IGFL2: variants seen among roughly 807,000 people sequenced by gnomAD.
IGFL2 encodes IGF like family member 2.
A neutral mutation model predicts 13.9 loss-of-function variants in IGFL2; 7 were observed. The ratio of observed to expected loss-of-function variants is 0.51; its 90% CI spans 0.29 to 0.95. The LOEUF (loss-of-function observed/expected upper bound fraction) is 0.95. Ranked by LOEUF, IGFL2 falls within the 40% of genes least tolerant of loss-of-function variation. IGFL2 has a pLI of 0.08. For synonymous variants in IGFL2, 55 were observed against 55.8 expected (o/e 0.99, Z 0.07); for missense variants, 138 against 147.8 (o/e 0.93, Z 0.34).
At chr19:46,148,208 T>C (rs527480150), upstream of IGFL2, 86 of 1,413,324 alleles carry the variant, frequency 6.1e-5, no homozygotes, top group South Asian at 9.5e-4. Flanking sequence ...GTTCATAGCC[T>C]ACATAAGTCC....
At chr19:46,100,058 G>A in the IGFL2 span, among the ~76,000 whole-genome samples, 1 of 151,954 alleles carries the variant, frequency 6.6e-6, no homozygotes. Flanking sequence ...TCTTTGCATT[G>A]GGTTAAACAT....
the IGFL2 span, chr19:46,208,848 T>C: frequency 0.091 from 13,794 of 152,188 alleles, 874 homozygotes; most frequent in Non-Finnish European, 0.14. Context: ...TTAAACCTCT[T>C]TCCTTTATAA....
the IGFL2 span, among the ~76,000 whole-genome samples, chr19:46,167,279 A>G: frequency 1.3e-5 from 2 of 152,170 alleles, no homozygotes; most frequent in South Asian, 2.1e-4. Flanking sequence ...GCCCACCACT[A>G]TGACATAAAG....
At chr19:46,109,440 G>A in the IGFL2 span, among the ~76,000 whole-genome samples, 5 of 151,820 alleles carry the variant, frequency 3.3e-5, no homozygotes, top group East Asian at 1.9e-4. Flanking sequence ...TCAGCCTCCC[G>A]AGTAGCTGGG....
chr19:46,152,908 T>A (rs1255655058), intron 1 of IGFL2, among the ~76,000 whole-genome samples: 1 of 151,222 alleles, frequency 6.6e-6, no homozygotes, highest in Non-Finnish European at 1.5e-5. Flanking sequence ...CAAATGCTCT[T>A]TCAGTATCAT....
chr19:46,131,251 A>G, the IGFL2 span, among the ~76,000 whole-genome samples: 89 of 152,200 alleles, frequency 5.8e-4, no homozygotes, highest in Middle Eastern at 0.024. Context: ...ACTCTGTTCA[A>G]TTGATTTATG....
At chr19:46,128,759 G>T in the IGFL2 span, among the ~76,000 whole-genome samples, 4 of 152,098 alleles carry the variant, frequency 2.6e-5, no homozygotes, top group African/African-American at 7.2e-5. Context: ...GATTTCTTGA[G>T]GATTTTTTGC....
chr19:46,163,262 C>T (rs973707186), downstream of IGFL2, among the ~76,000 whole-genome samples: 1 of 152,220 alleles, frequency 6.6e-6, no homozygotes, highest in Non-Finnish European at 1.5e-5. Context: ...CTGCCCACTG[C>T]AGCTCTGGGG....
chr19:46,108,513 C>T, the IGFL2 span, among the ~76,000 whole-genome samples: 4 of 152,124 alleles, frequency 2.6e-5, no homozygotes, highest in East Asian at 7.7e-4. Flanking sequence ...CTTAAGAACA[C>T]AGGCTAAGGG....
chr19:46,113,458 T>C, the IGFL2 span: 1 of 388,092 alleles, frequency 2.6e-6, no homozygotes, highest in South Asian at 2.0e-5. Flanking sequence ...ATATCCAGGA[T>C]TACGACAAAG....
At chr19:46,137,757 TCAAA>T in the IGFL2 span, among the ~76,000 whole-genome samples, 1 of 152,230 alleles carries the variant, frequency 6.6e-6, no homozygotes, top group African/African-American at 2.4e-5. Flanking sequence ...CTGAGTTGAT[TCAAA>T]GAACCAGTCT....
the IGFL2 span, among the ~76,000 whole-genome samples, chr19:46,115,572 A>G: frequency 6.6e-6 from 1 of 152,110 alleles, no homozygotes; most frequent in African/African-American, 2.4e-5. Flanking sequence ...AGCCAACCCC[A>G]GAAACCTCAG....
At chr19:46,147,451 C>T (rs187872227), upstream of IGFL2, among the ~76,000 whole-genome samples, 11 of 152,340 alleles carry the variant, frequency 7.2e-5, no homozygotes, top group Admixed American at 3.9e-4. Flanking sequence ...TTCTTATCAG[C>T]TTGCCTGACT....
chr19:46,179,819 G>A, the IGFL2 span, among the ~76,000 whole-genome samples: 1 of 152,212 alleles, frequency 6.6e-6, no homozygotes, highest in Admixed American at 6.5e-5. Context: ...GGGGGGCTGA[G>A]GCATAAGAAT....
At chr19:46,100,959 C>G in the IGFL2 span, among the ~76,000 whole-genome samples, 1 of 148,128 alleles carries the variant, frequency 6.8e-6, no homozygotes, top group Non-Finnish European at 1.5e-5. Context: ...TTTTCTTTAA[C>G]AGTCAGGCCC....
chr19:46,080,683 C>T, the IGFL2 span, among the ~76,000 whole-genome samples: 1 of 152,052 alleles, frequency 6.6e-6, no homozygotes, highest in East Asian at 1.9e-4. Context: ...GATGTGTGGC[C>T]CTGTCCCTGT....
At chr19:46,110,773 A>G in the IGFL2 span, among the ~76,000 whole-genome samples, 1 of 152,012 alleles carries the variant, frequency 6.6e-6, no homozygotes, top group Non-Finnish European at 1.5e-5. Flanking sequence ...CTTCATTAGA[A>G]CTCATTACTA....
rs750512249 is a variant in IGFL2 at position 46,160,723 on chromosome 19, C to T, written c.183C>T (p.Ser61=). The change falls in exon 3 of 4, where the codon AGC becomes AGT. Residue 61 remains serine, a synonymous_variant. Transcript: ENST00000377693. ...ACAATGACGCCATCGTGTCCCTGAG[C>T]GAGACCCGCCAATGTGGTCCCCCCT... ...CCYNDAIVSL[S]ETRQCGPPCT... The T allele has an allele frequency of 5.8e-5, 94 of 1,613,846 alleles. 1 individual carries two copies. The highest frequency in any genetic ancestry group is 4.9e-4 in the Middle Eastern group (3 of 6,084).
chr19:46,146,151 CTTCTT>C (rs886410535), upstream of IGFL2, among the ~76,000 whole-genome samples: 2 of 150,838 alleles, frequency 1.3e-5, no homozygotes, highest in Non-Finnish European at 3.0e-5. Context: ...TGGTAGAAGT[CTTCTT>C]TTTTTTTTTC....
Sources: gnomAD v4.1 joint callset for allele counts (sites outside exome capture counted in the v4.1 genomes callset) on GRCh38, gnomAD v4.1.1 for gene constraint, MANE v1.5 for transcripts, NCBI Gene and HGNC (gene_info 2026-07-23, HGNC 2026-07-21) for gene names.